The following POFUT3 variants were observed in gnomAD, a reference collection of about 807,000 sequenced individuals.
The protein encoded by POFUT3 is GDP-fucose protein O-fucosyltransferase 3.
chr8:33,310,740 G>C, the POFUT3 span, among the ~76,000 whole-genome samples: 25 of 151,056 alleles, frequency 1.7e-4, no homozygotes, highest in African/African-American at 5.8e-4. Context: ...ACATTGTCGA[G>C]CAGAGCTGTG....
At chr8:33,446,419 T>G in the POFUT3 span, among the ~76,000 whole-genome samples, 1 of 148,988 alleles carries the variant, frequency 6.7e-6, no homozygotes, top group African/African-American at 2.5e-5. Flanking sequence ...ATCACACCAC[T>G]GCACTCCAGC....
chr8:33,453,509 A>T, the POFUT3 span: 9 of 1,592,866 alleles, frequency 5.7e-6, no homozygotes, highest in South Asian at 1.0e-4. Context: ...CTCAACCATG[A>T]CCTAAAAGAG....
the POFUT3 span, chr8:33,372,843 G>A: frequency 6.3e-7 from 1 of 1,575,842 alleles, no homozygotes; most frequent in African/African-American, 1.3e-5. Context: ...AAAAACATAT[G>A]ATAATGAAGC....
the POFUT3 span, among the ~76,000 whole-genome samples, chr8:33,368,670 T>A: frequency 6.6e-6 from 1 of 152,186 alleles, no homozygotes; most frequent in Non-Finnish European, 1.5e-5. Flanking sequence ...GTCCCAAGAT[T>A]CAGAATTGGG....
chr8:33,309,155 A>T, the POFUT3 span, among the ~76,000 whole-genome samples: 515 of 45,358 alleles, frequency 0.011, 4 homozygotes, highest in East Asian at 0.037. Context: ...AAAAAAAAAA[A>T]AAAAAAAAAA....
chr8:33,388,326 ACT>A, the POFUT3 span, among the ~76,000 whole-genome samples: 1 of 139,582 alleles, frequency 7.2e-6, no homozygotes. Flanking sequence ...GATAAGCAGA[ACT>A]CTTTTTTTTT....
At chr8:33,388,057 T>G in the POFUT3 span, among the ~76,000 whole-genome samples, 1 of 152,310 alleles carries the variant, frequency 6.6e-6, no homozygotes, top group South Asian at 2.1e-4. Context: ...ATCTAGAAAT[T>G]TGAAGACATT....
At chr8:33,407,063 A>C in the POFUT3 span, among the ~76,000 whole-genome samples, 3 of 152,212 alleles carry the variant, frequency 2.0e-5, no homozygotes, top group Admixed American at 2.0e-4. Flanking sequence ...CATGATACTT[A>C]GGAAATACTG....
chr8:33,454,132 C>T, the POFUT3 span, among the ~76,000 whole-genome samples: 1 of 151,942 alleles, frequency 6.6e-6, no homozygotes, highest in Non-Finnish European at 1.5e-5. Flanking sequence ...GTCTCAAAAA[C>T]CAATCAATCA....
At chr8:33,411,295 A>C in the POFUT3 span, among the ~76,000 whole-genome samples, 3 of 152,234 alleles carry the variant, frequency 2.0e-5, no homozygotes, top group Non-Finnish European at 4.4e-5. Flanking sequence ...AATCCACAGC[A>C]CAGCTGGAAC....
the POFUT3 span, among the ~76,000 whole-genome samples, chr8:33,312,565 A>T: frequency 1.6e-4 from 24 of 152,298 alleles, no homozygotes; most frequent in African/African-American, 5.3e-4. Context: ...TATTCCAAGT[A>T]AAGTTTTTCA....
the POFUT3 span, among the ~76,000 whole-genome samples, chr8:33,405,135 C>G: frequency 4.3e-4 from 65 of 152,160 alleles, 1 homozygote; most frequent in African/African-American, 1.3e-3. Context: ...TAGCTCCCCA[C>G]CAGACCAGAA....
At chr8:33,330,204 G>C in the POFUT3 span, among the ~76,000 whole-genome samples, 1 of 152,148 alleles carries the variant, frequency 6.6e-6, no homozygotes, top group Non-Finnish European at 1.5e-5. Flanking sequence ...CCAGCACTTT[G>C]GGAGGCTGAG....
At chr8:33,439,384 C>G in the POFUT3 span, among the ~76,000 whole-genome samples, 1 of 151,908 alleles carries the variant, frequency 6.6e-6, no homozygotes, top group South Asian at 2.1e-4. Context: ...GCCTGAACAA[C>G]AGAGTAAGAC....
the POFUT3 span, among the ~76,000 whole-genome samples, chr8:33,420,047 G>A: frequency 2.0e-5 from 3 of 152,054 alleles, no homozygotes; most frequent in Non-Finnish European, 4.4e-5. Context: ...AGGATCACCT[G>A]AACCCATGGA....
the POFUT3 span, among the ~76,000 whole-genome samples, chr8:33,472,449 A>T: frequency 6.6e-6 from 1 of 152,212 alleles, no homozygotes; most frequent in African/African-American, 2.4e-5. Context: ...GAGGGTACTA[A>T]TCGGGTGCAA....
the POFUT3 span, among the ~76,000 whole-genome samples, chr8:33,423,944 GC>G: frequency 1.3e-5 from 2 of 150,946 alleles, no homozygotes; most frequent in Admixed American, 6.6e-5. Context: ...TTTGAGACCA[GC>G]CTGGCCAACA....
At chr8:33,461,358 C>T in the POFUT3 span, 22 of 1,600,710 alleles carry the variant, frequency 1.4e-5, no homozygotes, top group Non-Finnish European at 1.8e-5. Flanking sequence ...CTACACAACC[C>T]ACATTCTTGG....
At chr8:33,321,841 C>T in the POFUT3 span, among the ~76,000 whole-genome samples, 2 of 152,060 alleles carry the variant, frequency 1.3e-5, no homozygotes, top group African/African-American at 2.4e-5. Flanking sequence ...GGGCAGCTTT[C>T]CTTGATTCCC....
Sources: gnomAD v4.1 joint callset for allele counts (sites outside exome capture counted in the v4.1 genomes callset) on GRCh38, gnomAD v4.1.1 for gene constraint, MANE v1.5 for transcripts, NCBI Gene and HGNC (gene_info 2026-07-23, HGNC 2026-07-21) for gene names.